SDK1: variants seen among roughly 807,000 people sequenced by gnomAD.
The protein encoded by SDK1 is sidekick cell adhesion molecule 1, also known as protein sidekick-1.
SDK1 carries 157 observed loss-of-function variants against 245.5 expected under a neutral mutation model. The ratio of observed to expected loss-of-function variants is 0.64; its 90% CI spans 0.56 to 0.73. The LOEUF is 0.73. Among genes scored for constraint, SDK1 ranks in the 30% least tolerant of loss-of-function variants. SDK1 has a pLI of 0.00. For synonymous variants in SDK1, 1,647 were observed against 1,278.5 expected, an observed-to-expected ratio of 1.29 and a Z score of -6.15; for missense variants, 3,583 against 3,002.3, an observed-to-expected ratio of 1.19 and a Z score of -4.52.
chr7:3,487,561 G>A (rs977151910), intron 1 of SDK1, among the ~76,000 whole-genome samples: 1 of 151,864 alleles, frequency 6.6e-6, no homozygotes, highest in Non-Finnish European at 1.5e-5. Flanking sequence ...GGGCAACGTG[G>A]TGAAGCCCTG....
At chr7:4,072,932 T>C (rs1285650358) in intron 20 of SDK1, among the ~76,000 whole-genome samples, 5 of 152,368 alleles carry the variant, frequency 3.3e-5, no homozygotes, top group Admixed American at 1.3e-4. Context: ...CATTGCCCGC[T>C]CATTGTAAAT....
chr7:3,917,441 A>C (rs1325936134), intron 5 of SDK1, among the ~76,000 whole-genome samples: 12 of 152,174 alleles, frequency 7.9e-5, no homozygotes, highest in Non-Finnish European at 1.8e-4. Flanking sequence ...AGATTCCCCA[A>C]GACACGGGCT....
intron 1 of SDK1, among the ~76,000 whole-genome samples, chr7:3,549,170 C>T (rs940633647): frequency 1.3e-5 from 2 of 152,178 alleles, no homozygotes; most frequent in African/African-American, 4.8e-5. Context: ...ATCTTTCATG[C>T]AAACAGTTCT....
intron 4 of SDK1, among the ~76,000 whole-genome samples, chr7:3,777,253 C>G (rs549254153): frequency 1.3e-5 from 2 of 152,184 alleles, no homozygotes; most frequent in Non-Finnish European, 2.9e-5. Context: ...AAGTGACTTT[C>G]GTTCCAGCCT....
At chr7:3,465,121 C>G (rs1254246950) in intron 1 of SDK1, among the ~76,000 whole-genome samples, 3 of 152,092 alleles carry the variant, frequency 2.0e-5, no homozygotes, top group Non-Finnish European at 4.4e-5. Context: ...TAGGGAGCTC[C>G]TTGACGCAAA....
At chr7:3,307,916 C>A (rs573673593) in intron 1 of SDK1, among the ~76,000 whole-genome samples, 9 of 152,274 alleles carry the variant, frequency 5.9e-5, no homozygotes, top group African/African-American at 2.2e-4. Context: ...TCACTAGAGT[C>A]TGCATGTGTC....
intron 1 of SDK1, among the ~76,000 whole-genome samples, chr7:3,465,134 G>A (rs1780954066): frequency 6.6e-6 from 1 of 152,084 alleles, no homozygotes; most frequent in Admixed American, 6.5e-5. Context: ...GACGCAAATT[G>A]GCATTGTGCC....
chr7:4,065,798 C>T (rs1471533983), intron 19 of SDK1, among the ~76,000 whole-genome samples: 1 of 138,676 alleles, frequency 7.2e-6, no homozygotes, highest in Non-Finnish European at 1.5e-5. Flanking sequence ...CAACTCAGTG[C>T]TCGGTATGGA....
intron 16 of SDK1, 120 bp from the exon 17 acceptor site, chr7:4,017,051 T>G: frequency 1.1e-6 from 1 of 937,898 alleles, no homozygotes. Flanking sequence ...GGCTGACCTC[T>G]CAGCTCTGCT....
chr7:3,337,531 G>T (rs1027779436), intron 1 of SDK1, among the ~76,000 whole-genome samples: 1 of 152,054 alleles, frequency 6.6e-6, no homozygotes, highest in Non-Finnish European at 1.5e-5. Flanking sequence ...GAAAGCTGTA[G>T]ATCTAAGAAG....
chr7:3,529,256 TATC>T (rs1299067036), intron 1 of SDK1, among the ~76,000 whole-genome samples: 1 of 152,138 alleles, frequency 6.6e-6, no homozygotes, highest in Admixed American at 6.5e-5. Flanking sequence ...GTCAATCACT[TATC>T]AGCAGTGAGT....
chr7:3,448,691 C>G (rs1380091646), intron 1 of SDK1, among the ~76,000 whole-genome samples: 2 of 152,086 alleles, frequency 1.3e-5, no homozygotes, highest in Non-Finnish European at 2.9e-5. Context: ...ACTTATTATG[C>G]TAATGCCATT....
chr7:3,806,091 C>T (rs921486253), intron 4 of SDK1, among the ~76,000 whole-genome samples: 3 of 152,198 alleles, frequency 2.0e-5, no homozygotes, highest in African/African-American at 7.2e-5. Flanking sequence ...GCTTGTAGCC[C>T]TCCCACCATC....
chr7:3,469,634 C>T (rs1338728495), intron 1 of SDK1, among the ~76,000 whole-genome samples: 1 of 152,052 alleles, frequency 6.6e-6, no homozygotes, highest in Non-Finnish European at 1.5e-5. Flanking sequence ...ATCCAATGAC[C>T]TTTGTAAAGA....
intron 1 of SDK1, among the ~76,000 whole-genome samples, chr7:3,506,029 G>C (rs568169255): frequency 1.8e-3 from 278 of 151,708 alleles, no homozygotes; most frequent in Middle Eastern, 0.014. Context: ...TTAAAAATAA[G>C]AAAAAAATTC....
intron 5 of SDK1, among the ~76,000 whole-genome samples, chr7:3,901,484 C>A (rs1358967721): frequency 1.3e-5 from 2 of 152,182 alleles, no homozygotes; most frequent in Non-Finnish European, 2.9e-5. Context: ...AGTTAACTAT[C>A]GTAATGACCC....
chr7:4,084,026 T>G (rs919122963), intron 22 of SDK1, among the ~76,000 whole-genome samples: 1 of 152,186 alleles, frequency 6.6e-6, no homozygotes, highest in Non-Finnish European at 1.5e-5. Flanking sequence ...GATCTTTGCC[T>G]GAATTAATTA....
chr7:3,524,599 CAA>C (rs1422112248), intron 1 of SDK1, among the ~76,000 whole-genome samples: 1 of 152,088 alleles, frequency 6.6e-6, no homozygotes, highest in African/African-American at 2.4e-5. Context: ...AAAGAACAGA[CAA>C]AGGATAACCC....
intron 13 of SDK1, among the ~76,000 whole-genome samples, chr7:3,978,313 C>G (rs191126497): frequency 1.3e-5 from 2 of 152,300 alleles, no homozygotes; most frequent in East Asian, 3.9e-4. Context: ...TTATGGTCTA[C>G]TGATTTACAT....
Sources: gnomAD v4.1 joint callset for allele counts (sites outside exome capture counted in the v4.1 genomes callset) on GRCh38, gnomAD v4.1.1 for gene constraint, MANE v1.5 for transcripts, NCBI Gene and HGNC (gene_info 2026-07-23, HGNC 2026-07-21) for gene names.